B3GALT1: variants seen among roughly 807,000 people sequenced by gnomAD.
The protein encoded by B3GALT1 is beta-1,3-galactosyltransferase 1, also known as UDP-Gal:betaGlcNAc beta 1,3-galactosyltransferase, polypeptide 1.
A neutral mutation model predicts 23.2 loss-of-function variants in B3GALT1; 10 were observed. The observed-to-expected ratio is 0.43, with a 90% CI of 0.27 to 0.73. The LOEUF (loss-of-function observed/expected upper bound fraction) is 0.73, where lower values mean the gene tolerates loss of function less well. Among genes scored for constraint, B3GALT1 ranks in the 30% least tolerant of loss-of-function variants. The pLI, the probability that B3GALT1 is intolerant of heterozygous loss-of-function variation, is 0.21. For missense variants in B3GALT1, 299 were observed against 405.4 expected (o/e 0.74, Z 2.25); for synonymous variants, 156 against 141.5 (o/e 1.10, Z -0.73).
intron 1 of B3GALT1, among the ~76,000 whole-genome samples, chr2:167,371,587 A>T (rs916846993): frequency 6.6e-5 from 10 of 152,142 alleles, no homozygotes; most frequent in African/African-American, 2.4e-4. Context: ...ACCTTATCTG[A>T]CGAAGGTAAT....
chr2:167,382,212 T>A (rs1386761238), intron 1 of B3GALT1, among the ~76,000 whole-genome samples: 1 of 152,190 alleles, frequency 6.6e-6, no homozygotes. Flanking sequence ...TGGCAAAACT[T>A]CATTGGTTTG....
At chr2:167,511,651 C>T (rs772490696) in intron 2 of B3GALT1, among the ~76,000 whole-genome samples, 13 of 152,136 alleles carry the variant, frequency 8.5e-5, no homozygotes, top group Non-Finnish European at 1.0e-4. Flanking sequence ...TATATTTTTG[C>T]ATAGATTTTT....
chr2:167,457,099 G>A (rs1298655703), intron 1 of B3GALT1, among the ~76,000 whole-genome samples: 2 of 152,042 alleles, frequency 1.3e-5, no homozygotes, highest in Non-Finnish European at 2.9e-5. Context: ...GTTTTTAGGA[G>A]CTGTGGAGCA....
At chr2:167,523,666 A>T (rs776006273) in intron 2 of B3GALT1, among the ~76,000 whole-genome samples, 39 of 152,038 alleles carry the variant, frequency 2.6e-4, no homozygotes, top group South Asian at 6.2e-4. Flanking sequence ...CTCAGGTGAT[A>T]TACCCACCTT....
At chr2:167,616,066 A>C (rs1265972833) in intron 2 of B3GALT1, among the ~76,000 whole-genome samples, 1 of 114,402 alleles carries the variant, frequency 8.7e-6, no homozygotes, top group Non-Finnish European at 1.9e-5. Flanking sequence ...ACAAAACAAA[A>C]AGCACTTTAC....
intron 4 of B3GALT1, among the ~76,000 whole-genome samples, chr2:167,819,222 A>G (rs1689058459): frequency 1.3e-5 from 2 of 152,184 alleles, no homozygotes; most frequent in South Asian, 2.1e-4. Flanking sequence ...GACAATTCCT[A>G]TTTAAAACCC....
At chr2:167,668,976 A>C (rs986758097) in intron 3 of B3GALT1, among the ~76,000 whole-genome samples, 1 of 151,982 alleles carries the variant, frequency 6.6e-6, no homozygotes, top group African/African-American at 2.4e-5. Context: ...CCCATTCTCT[A>C]ATGTCACTTT....
chr2:167,832,329 CATT>C (rs1259269008), intron 4 of B3GALT1, among the ~76,000 whole-genome samples: 11 of 152,158 alleles, frequency 7.2e-5, no homozygotes, highest in African/African-American at 2.7e-4. Flanking sequence ...ACGTACTATA[CATT>C]ATTAGCAAAA....
intron 3 of B3GALT1, among the ~76,000 whole-genome samples, chr2:167,771,693 A>G (rs374371828): frequency 6.6e-6 from 1 of 152,264 alleles, no homozygotes; most frequent in East Asian, 1.9e-4. Flanking sequence ...TTTCATGTAT[A>G]CATGCATTTT....
chr2:167,743,017 C>G (rs990000886), intron 3 of B3GALT1, among the ~76,000 whole-genome samples: 2 of 152,090 alleles, frequency 1.3e-5, no homozygotes, highest in Non-Finnish European at 2.9e-5. Context: ...AAAACCATAT[C>G]ATACTACATA....
chr2:167,523,512 G>T (rs557380345), intron 2 of B3GALT1, among the ~76,000 whole-genome samples: 1 of 151,090 alleles, frequency 6.6e-6, no homozygotes, highest in South Asian at 2.1e-4. Flanking sequence ...TGCAACTTCC[G>T]CGTCCCACGT....
chr2:167,636,018 G>A (rs1199464077), intron 2 of B3GALT1, among the ~76,000 whole-genome samples: 1 of 151,926 alleles, frequency 6.6e-6, no homozygotes, highest in Non-Finnish European at 1.5e-5. Flanking sequence ...ACAGAACAGA[G>A]GCTTCAGAAA....
At chr2:167,833,257 T>A (rs1689388352) in intron 4 of B3GALT1, among the ~76,000 whole-genome samples, 1 of 152,170 alleles carries the variant, frequency 6.6e-6, no homozygotes, top group Non-Finnish European at 1.5e-5. Flanking sequence ...CTCCCTTCCC[T>A]CCTTGGCTTC....
intron 3 of B3GALT1, among the ~76,000 whole-genome samples, chr2:167,650,589 G>A (rs1685845419): frequency 1.3e-5 from 2 of 151,956 alleles, no homozygotes; most frequent in South Asian, 4.1e-4. Flanking sequence ...AGTTTGAGAA[G>A]GATTAGTATT....
chr2:167,579,664 A>T (rs1367994286), intron 2 of B3GALT1, among the ~76,000 whole-genome samples: 1 of 151,934 alleles, frequency 6.6e-6, no homozygotes, highest in Non-Finnish European at 1.5e-5. Context: ...GAAAACAAGG[A>T]ATTTAACTTA....
At chr2:167,599,379 A>G (rs1401663608) in intron 2 of B3GALT1, among the ~76,000 whole-genome samples, 13 of 152,216 alleles carry the variant, frequency 8.5e-5, no homozygotes, top group African/African-American at 3.1e-4. Context: ...ATCCAAAAAC[A>G]TAGATAACAA....
At chr2:167,416,002 CA>C (rs200169867) in intron 1 of B3GALT1, among the ~76,000 whole-genome samples, 2 of 150,452 alleles carry the variant, frequency 1.3e-5, no homozygotes, top group Admixed American at 6.6e-5. Flanking sequence ...AAAAGAGAAG[CA>C]AAAAAAAAGA....
intron 3 of B3GALT1, among the ~76,000 whole-genome samples, chr2:167,804,212 A>G (rs1574270706): frequency 6.6e-6 from 1 of 151,514 alleles, no homozygotes; most frequent in African/African-American, 2.4e-5. Flanking sequence ...CTGGTCTCAA[A>G]CTCCTGACTT....
At chr2:167,609,554 T>C (rs1339246033) in intron 2 of B3GALT1, among the ~76,000 whole-genome samples, 3 of 152,244 alleles carry the variant, frequency 2.0e-5, no homozygotes, top group East Asian at 3.9e-4. Flanking sequence ...TTAGGACAAC[T>C]TCCAGTGGTT....
Sources: allele counts gnomAD v4.1 joint callset (sites outside exome capture counted in the v4.1 genomes callset), GRCh38; gene constraint gnomAD v4.1.1; transcripts MANE v1.5; gene names NCBI Gene and HGNC (gene_info 2026-07-23, HGNC 2026-07-21).